MATN2: variants seen among roughly 807,000 people sequenced by gnomAD.
MATN2 encodes the protein matrilin-2.
A neutral mutation model predicts 103.2 loss-of-function variants in MATN2; 69 were observed. The observed-to-expected ratio is 0.67, with a 90% CI of 0.55 to 0.82. The LOEUF (loss-of-function observed/expected upper bound fraction) is 0.82. MATN2 is among the 40% of genes least tolerant of loss of function. The probability of loss-of-function intolerance (pLI) is 0.00; values close to 1 mark genes in which losing one functional copy is unlikely to be tolerated. For missense variants in MATN2, 1,023 were observed against 1,211.5 expected (o/e 0.84, Z 2.31); for synonymous variants, 429 against 450.2 (o/e 0.95, Z 0.60).
chr8:97,886,394 G>T (rs1372172172), intron 1 of MATN2, among the ~76,000 whole-genome samples: 4 of 152,190 alleles, frequency 2.6e-5, no homozygotes, highest in Non-Finnish European at 4.4e-5. Flanking sequence ...ATGCCAAAAA[G>T]ATTGGGGACC....
chr8:97,983,991 C>A (rs183750629), intron 6 of MATN2, among the ~76,000 whole-genome samples: 1 of 152,150 alleles, frequency 6.6e-6, no homozygotes, highest in Admixed American at 6.5e-5. Flanking sequence ...TACAAAGTAT[C>A]GGTTGTCAGG....
chr8:97,999,547 T>A (rs192616610), intron 7 of MATN2, among the ~76,000 whole-genome samples: 6 of 152,342 alleles, frequency 3.9e-5, no homozygotes, highest in Middle Eastern at 3.4e-3. Context: ...CCAGGCCTAT[T>A]TTCCTCCATC....
chr8:97,973,664 A>G (rs1423325708), intron 5 of MATN2, among the ~76,000 whole-genome samples: 4 of 151,154 alleles, frequency 2.6e-5, no homozygotes, highest in Admixed American at 1.3e-4. Flanking sequence ...CAATCTCCCA[A>G]ACTCAAGCAA....
In MATN2 at chr8:97,993,362, C is replaced by T. The variant is rs1193168381; in HGVS notation, c.1082-1118C>T. On this transcript the variant is annotated intron_variant, in intron 6 of 18. Coordinates refer to ENST00000254898, the MANE Select transcript of MATN2 (RefSeq NM_002380.5). ...CAAAACAAAGACTCCTTTTAAGATT[C>T]CATCAGTGGTCATTTATTTCAAGCA... 2.0e-5 allele frequency among the ~76,000 whole-genome samples: 3 copies of T among 152,164 alleles called. No homozygotes were observed. In the South Asian group the frequency reaches 6.2e-4, roughly 32 times the overall value.
chr8:98,032,320 A>G lies in MATN2; in HGVS notation c.2581+3A>G, dbSNP rs576591768. ...AAAAACGGTCCAACAGCCAACAGGT[A>G]CAGTTTTTAAGGCAGTGTTTTTAGA... is the stretch of plus-strand genomic sequence containing the variant. On this transcript the variant is annotated splice_donor_region_variant and intron_variant, in intron 16 of 18. Transcript: ENST00000254898. 1,397 of 1,606,734 alleles carry G rather than the reference A, an allele frequency of 8.7e-4. 25 individuals carry two copies. In the South Asian group the frequency reaches 0.014, roughly 16 times the overall value.
chr8:97,984,088 A>G (rs566915668), intron 6 of MATN2, among the ~76,000 whole-genome samples: 89 of 152,324 alleles, frequency 5.8e-4, no homozygotes, highest in African/African-American at 2.0e-3. Flanking sequence ...CCCTATGTGG[A>G]TAAATCAAAC....
In MATN2 at chr8:97,933,189, G is replaced by C. The variant is rs557427213; in HGVS notation, c.712+1667G>C. 2.6e-5 allele frequency among the ~76,000 whole-genome samples: 4 copies of C among 152,328 alleles called. No homozygotes were observed. In the East Asian group the frequency reaches 7.7e-4, roughly 29 times the overall value. On this transcript the variant is annotated intron_variant, in intron 3 of 18. Coordinates refer to ENST00000254898, the MANE Select transcript of MATN2 (RefSeq NM_002380.5). ...AACCTTTTTCCTTGCCATGCCACTT[G>C]GAAAGTGTTCAGAAGTGCCATTTCC...
intron 4 of MATN2, among the ~76,000 whole-genome samples, chr8:97,959,370 T>C (rs1811237014): frequency 6.6e-6 from 1 of 152,102 alleles, no homozygotes; most frequent in Non-Finnish European, 1.5e-5. Context: ...ATTTATTGAC[T>C]AAATGAATGA....
At chr8:97,951,983 G>C (rs1490057980) in intron 4 of MATN2, 2 of 152,234 alleles carry the variant, frequency 1.3e-5, no homozygotes, top group Admixed American at 6.5e-5. Context: ...GTTTCTTTCA[G>C]TGTAGAAGCA....
chr8:97,937,138 A>G (rs1238049535), intron 3 of MATN2, among the ~76,000 whole-genome samples: 1 of 152,136 alleles, frequency 6.6e-6, no homozygotes, highest in African/African-American at 2.4e-5. Flanking sequence ...TGGTTCCTAA[A>G]TGCCAGTAAA....
At chr8:97,907,070 G>A (rs570901178) in intron 2 of MATN2, among the ~76,000 whole-genome samples, 22 of 145,698 alleles carry the variant, frequency 1.5e-4, no homozygotes, top group Non-Finnish European at 2.7e-4. Flanking sequence ...GTGCAATCTC[G>A]GCTCACTGCA....
At chr8:97,966,281 C>T (rs1209360187) in intron 5 of MATN2, among the ~76,000 whole-genome samples, 2 of 151,296 alleles carry the variant, frequency 1.3e-5, no homozygotes, top group East Asian at 2.0e-4. Flanking sequence ...TAAGGCCAAG[C>T]GTGGTGGCTC....
intron 2 of MATN2, among the ~76,000 whole-genome samples, chr8:97,902,808 G>A (rs976839266): frequency 2.0e-5 from 3 of 152,158 alleles, no homozygotes; most frequent in African/African-American, 4.8e-5. Context: ...TGGGCCCATG[G>A]TGTGGGTCTA....
chr8:97,870,999 G>A (rs1255755177), intron 1 of MATN2, among the ~76,000 whole-genome samples: 3 of 152,018 alleles, frequency 2.0e-5, no homozygotes, highest in Non-Finnish European at 4.4e-5. Flanking sequence ...TCTATAAATC[G>A]GGGCTCTGGG....
intron 12 of MATN2, among the ~76,000 whole-genome samples, chr8:98,020,389 G>A (rs1258279528): frequency 1.3e-5 from 2 of 152,134 alleles, no homozygotes; most frequent in Non-Finnish European, 2.9e-5. Context: ...CAAGAAATCT[G>A]CCTGCCTCGG....
intron 2 of MATN2, among the ~76,000 whole-genome samples, chr8:97,889,161 G>C (rs898879819): frequency 6.6e-5 from 10 of 152,020 alleles, no homozygotes. Context: ...CCCCTGCAAA[G>C]GCTACTAAGA....
At chr8:97,926,798 C>T (rs774617723) in intron 2 of MATN2, among the ~76,000 whole-genome samples, 4 of 152,220 alleles carry the variant, frequency 2.6e-5, no homozygotes, top group Non-Finnish European at 5.9e-5. Context: ...GTACTAACTG[C>T]TCTGATTCAA....
intron 2 of MATN2, among the ~76,000 whole-genome samples, chr8:97,923,166 G>A (rs777828208): frequency 1.7e-4 from 26 of 150,670 alleles, no homozygotes; most frequent in Non-Finnish European, 3.7e-4. Flanking sequence ...AGCTCATTAC[G>A]ATCATGGCTT....
chr8:98,036,219 A>T lies in MATN2; in HGVS notation c.*507A>T, dbSNP rs933837091. ...AAAATTCACCACTTCAGAGAATGGTATTCAGTGCAAAAATTCTTAGTTTAA... is the reference window on the plus strand; with the variant it reads ...AAAATTCACCACTTCAGAGAATGGTTTTCAGTGCAAAAATTCTTAGTTTAA... On this transcript the variant is annotated 3_prime_UTR_variant, in exon 19 of 19. Coordinates refer to ENST00000254898, the MANE Select transcript of MATN2 (RefSeq NM_002380.5). 2.6e-5 allele frequency: 4 copies of T among 152,276 alleles called. No individual in the cohort carries two copies. The highest frequency in any genetic ancestry group is 9.6e-5 in the African/African-American group (4 of 41,470). The allele number at this position is 152,276 out of a possible 1,614,324, so 9.4% of individuals were successfully genotyped here. A position where few individuals can be genotyped will look rare whatever the true frequency, so the allele number is the denominator to read the frequency against.
Sources: gnomAD v4.1 joint callset for allele counts (sites outside exome capture counted in the v4.1 genomes callset) on GRCh38, gnomAD v4.1.1 for gene constraint, MANE v1.5 for transcripts, NCBI Gene and HGNC (gene_info 2026-07-23, HGNC 2026-07-21) for gene names.